CNTNAP2: variants seen among roughly 807,000 people sequenced by gnomAD.
CNTNAP2 encodes contactin associated protein 2, also known as contactin-associated protein-like 2.
Under a neutral mutation model 155.2 loss-of-function variants are expected in CNTNAP2, and 98 were observed. The observed-to-expected ratio is 0.63, with a 90% confidence interval of 0.54 to 0.75. The LOEUF is 0.75. Ranked by LOEUF, CNTNAP2 falls within the 30% of genes least tolerant of loss-of-function variation. The probability of loss-of-function intolerance (pLI) is 0.00; values close to 1 mark genes in which losing one functional copy is unlikely to be tolerated. For missense variants in CNTNAP2, 1,727 were observed against 1,688.1 expected, an observed-to-expected ratio of 1.02 and a Z score of -0.40; for synonymous variants, 651 against 631.2, an observed-to-expected ratio of 1.03 and a Z score of -0.47.
intron 8 of CNTNAP2, among the ~76,000 whole-genome samples, chr7:147,275,310 TTTTG>T (rs1804870805): frequency 6.6e-6 from 1 of 152,064 alleles, no homozygotes; most frequent in South Asian, 2.1e-4. Context: ...TGTTTTTTTC[TTTTG>T]TTTGTCTTCT....
chr7:147,000,339 T>A (rs1798397077), intron 3 of CNTNAP2, among the ~76,000 whole-genome samples: 2 of 152,128 alleles, frequency 1.3e-5, no homozygotes, highest in Admixed American at 6.6e-5. Context: ...CAGTTATTTT[T>A]ACTTTATCGT....
intron 6 of CNTNAP2, among the ~76,000 whole-genome samples, chr7:147,125,879 T>C (rs544960711): frequency 6.6e-6 from 1 of 152,310 alleles, no homozygotes; most frequent in Non-Finnish European, 1.5e-5. Context: ...TTATTCTCCT[T>C]TATGTAAAAG....
intron 4 of CNTNAP2, among the ~76,000 whole-genome samples, chr7:147,085,411 G>C (rs1207085729): frequency 6.6e-6 from 1 of 152,068 alleles, no homozygotes. Flanking sequence ...TCTCATAGGA[G>C]CACTAACCCT....
At chr7:147,386,764 C>T (rs1218698625) in intron 9 of CNTNAP2, among the ~76,000 whole-genome samples, 1 of 152,192 alleles carries the variant, frequency 6.6e-6, no homozygotes, top group Admixed American at 6.5e-5. Context: ...TCACCAGTTC[C>T]AATGTTGCTT....
At chr7:148,011,091 C>T (rs12533532) in intron 15 of CNTNAP2, among the ~76,000 whole-genome samples, 6,037 of 152,118 alleles carry the variant, frequency 0.04, 243 homozygotes, top group East Asian at 0.24. Context: ...ATTCACATTA[C>T]ATATAATTCA....
intron 1 of CNTNAP2, among the ~76,000 whole-genome samples, chr7:146,366,409 AC>A: frequency 6.6e-6 from 1 of 152,220 alleles, no homozygotes; most frequent in Admixed American, 6.5e-5. Flanking sequence ...GTTATTAAAA[AC>A]CATTTATCCG....
chr7:146,130,734 A>C (rs1797701314), intron 1 of CNTNAP2, among the ~76,000 whole-genome samples: 1 of 152,218 alleles, frequency 6.6e-6, no homozygotes, highest in Non-Finnish European at 1.5e-5. Context: ...GAAGAGGTGT[A>C]ATTGACTCAC....
At chr7:146,512,020 A>AT (rs968193884) in intron 1 of CNTNAP2, among the ~76,000 whole-genome samples, 20 of 151,598 alleles carry the variant, frequency 1.3e-4, no homozygotes, top group African/African-American at 4.8e-4. Flanking sequence ...GTACCTATGA[A>AT]TTTTTTCTTT....
intron 1 of CNTNAP2, among the ~76,000 whole-genome samples, chr7:146,742,683 G>T (rs536157130): frequency 6.6e-6 from 1 of 151,930 alleles, no homozygotes; most frequent in South Asian, 2.1e-4. Flanking sequence ...AATGAGAGAA[G>T]AGTAAAAAAT....
At position 146,799,482 on chromosome 7, in the gene CNTNAP2, C is replaced by T. The variant is rs572980472; in HGVS notation, c.208+25101C>T. Among the ~76,000 whole-genome samples the T allele has an allele frequency of 3.3e-5, 5 of 152,332 alleles. No homozygotes were observed. The South Asian group carries it at 1.0e-3, about 32-fold the overall frequency. Reference sequence around the variant, plus strand: ...TTTTCATCTGCAGTTTCTTTATGCACATTCGAGTTTAGTATCTTCTGAATT... The same window carrying T: ...TTTTCATCTGCAGTTTCTTTATGCATATTCGAGTTTAGTATCTTCTGAATT... On this transcript the variant is annotated intron_variant, in intron 2 of 23. Coordinates refer to ENST00000361727, the MANE Select transcript of CNTNAP2 (RefSeq NM_014141.6).
chr7:146,431,559 A>G (rs1226164120), intron 1 of CNTNAP2, among the ~76,000 whole-genome samples: 1 of 152,094 alleles, frequency 6.6e-6, no homozygotes, highest in Non-Finnish European at 1.5e-5. Flanking sequence ...ACTATTTGCC[A>G]GGCATATTTC....
chr7:147,640,730 G>A (rs899367038), intron 13 of CNTNAP2, among the ~76,000 whole-genome samples: 16 of 151,578 alleles, frequency 1.1e-4, no homozygotes, highest in African/African-American at 3.9e-4. Flanking sequence ...AGTTTAACAG[G>A]CAAGAAAGAA....
At chr7:148,103,888 C>G (rs1247260117) in intron 15 of CNTNAP2, among the ~76,000 whole-genome samples, 1 of 152,128 alleles carries the variant, frequency 6.6e-6, no homozygotes, top group Non-Finnish European at 1.5e-5. Flanking sequence ...AAAATCCAAA[C>G]CAATTATCTC....
intron 3 of CNTNAP2, among the ~76,000 whole-genome samples, chr7:146,870,467 T>C (rs1795284133): frequency 6.6e-6 from 1 of 152,166 alleles, no homozygotes; most frequent in African/African-American, 2.4e-5. Flanking sequence ...TTGGTTGTTC[T>C]CTCTTTCCAT....
intron 10 of CNTNAP2, among the ~76,000 whole-genome samples, chr7:147,425,723 G>C (rs2116517648): frequency 6.6e-6 from 1 of 152,206 alleles, no homozygotes; most frequent in East Asian, 1.9e-4. Flanking sequence ...AAGGGTAAAT[G>C]GAAAATATCG....
chr7:146,317,664 T>C (rs1039629477), intron 1 of CNTNAP2, among the ~76,000 whole-genome samples: 1 of 152,252 alleles, frequency 6.6e-6, no homozygotes, highest in Non-Finnish European at 1.5e-5. Context: ...CTATTCTTTT[T>C]TAATTGGTTC....
At chr7:147,154,107 C>G (rs564067250) in intron 8 of CNTNAP2, among the ~76,000 whole-genome samples, 1 of 149,780 alleles carries the variant, frequency 6.7e-6, no homozygotes, top group East Asian at 1.9e-4. Flanking sequence ...GCCCTCCCCC[C>G]ACAAAAAAAA....
chr7:146,254,161 ACAAGC>A (rs1563009661), intron 1 of CNTNAP2, among the ~76,000 whole-genome samples: 1 of 131,196 alleles, frequency 7.6e-6, no homozygotes, highest in African/African-American at 3.2e-5. Flanking sequence ...ACACACACAC[ACAAGC>A]AAACACACAC....
intron 10 of CNTNAP2, among the ~76,000 whole-genome samples, chr7:147,457,298 A>G (rs1186947585): frequency 6.6e-6 from 1 of 152,172 alleles, no homozygotes; most frequent in African/African-American, 2.4e-5. Flanking sequence ...AAAGCTCACC[A>G]GACATCAAGA....
Sources: gnomAD v4.1 joint callset for allele counts (sites outside exome capture counted in the v4.1 genomes callset) on GRCh38, gnomAD v4.1.1 for gene constraint, MANE v1.5 for transcripts, NCBI Gene and HGNC (gene_info 2026-07-23, HGNC 2026-07-21) for gene names.